The following INSC variants were observed in gnomAD, a reference collection of about 807,000 sequenced individuals.
INSC encodes the protein protein inscuteable homolog.
INSC carries 67 observed loss-of-function variants against 58.6 expected under a neutral mutation model. That is an observed-to-expected ratio of 1.14 (90% CI 0.94 to 1.40). The LOEUF is 1.40. Among genes scored for constraint, INSC ranks in the 40% most tolerant of loss-of-function variants. The probability of loss-of-function intolerance (pLI) is 0.00; values close to 1 mark genes in which losing one functional copy is unlikely to be tolerated. For synonymous variants in INSC, 262 were observed against 276.1 expected (o/e 0.95, Z 0.51); for missense variants, 714 against 692.0 (o/e 1.03, Z -0.36).
At chr11:15,146,360 A>G (rs1370698771) in intron 1 of INSC, among the ~76,000 whole-genome samples, 1 of 152,192 alleles carries the variant, frequency 6.6e-6, no homozygotes, top group Non-Finnish European at 1.5e-5. Context: ...TTTAGACATT[A>G]AGGAATCTTA....
At chr11:15,141,605 C>T (rs969312121) in intron 1 of INSC, among the ~76,000 whole-genome samples, 26 of 152,252 alleles carry the variant, frequency 1.7e-4, no homozygotes, top group African/African-American at 5.5e-4. Flanking sequence ...TGAGTGGCAG[C>T]TTGCTTGGTT....
intron 5 of INSC, among the ~76,000 whole-genome samples, chr11:15,182,448 G>A (rs901671490): frequency 6.6e-6 from 1 of 152,166 alleles, no homozygotes; most frequent in Non-Finnish European, 1.5e-5. Flanking sequence ...GTTAATTGTG[G>A]TACTATGTTT....
At chr11:15,144,547 C>T (rs1271091996) in intron 1 of INSC, among the ~76,000 whole-genome samples, 2 of 152,202 alleles carry the variant, frequency 1.3e-5, no homozygotes, top group South Asian at 2.1e-4. Context: ...GTTCCTAGAG[C>T]TGCCGCCAAA....
intron 7 of INSC, among the ~76,000 whole-genome samples, chr11:15,203,197 G>A (rs950950087): frequency 3.3e-5 from 5 of 152,140 alleles, no homozygotes; most frequent in African/African-American, 7.2e-5. Context: ...CCTGTGTCAC[G>A]ACCTTGCTGG....
intron 7 of INSC, among the ~76,000 whole-genome samples, chr11:15,212,500 A>AT: frequency 6.6e-6 from 1 of 152,248 alleles, no homozygotes; most frequent in Non-Finnish European, 1.5e-5. Context: ...CAATGAACAG[A>AT]GTACATCTCT....
intron 1 of INSC, among the ~76,000 whole-genome samples, chr11:15,141,951 G>C (rs180877044): frequency 2.0e-5 from 3 of 152,212 alleles, no homozygotes; most frequent in Admixed American, 6.5e-5. Flanking sequence ...ATTCCACTCT[G>C]ATCATTTCAC....
intron 10 of INSC, among the ~76,000 whole-genome samples, chr11:15,237,655 G>T (rs1852182258): frequency 6.6e-6 from 1 of 152,196 alleles, no homozygotes; most frequent in South Asian, 2.1e-4. Context: ...AAATCTTGTT[G>T]TGCAGACTGG....
chr11:15,245,969 C>G lies in INSC; in HGVS notation c.1528C>G (p.Gln510Glu), dbSNP rs762590565. ...TGAAGGCCTCCAGGACTCTGACTTT[C>G]AGCAGTTGGTCCAGCCTCGGCTGGT... ...CPEGLQDSDF[Q>E]QLVQPRLVDS... The change falls in exon 13 of 13, where the codon CAG (glutamine) becomes GAG (glutamate). Residue 510 changes from glutamine to glutamate, a missense_variant. Coordinates refer to ENST00000379556, the MANE Select transcript of INSC (RefSeq NM_001042536.3). The G allele has an allele frequency of 6.2e-7, 1 of 1,614,212 alleles. No individual in the cohort carries two copies. Among genetic ancestry groups the G allele is most frequent in the South Asian group, 1.1e-5 (1 of 91,078 alleles).
rs553846330 is a variant in INSC at position 15,240,393 on chromosome 11, C to A, written c.1394-54C>A. Reference sequence around the variant, plus strand: ...CAAGGGAGGCCCAGAACCTCTGGGTCAGGCCTGGCTGGGCCCTGTCCTGGG... The same window carrying A: ...CAAGGGAGGCCCAGAACCTCTGGGTAAGGCCTGGCTGGGCCCTGTCCTGGG... On this transcript the variant is annotated intron_variant, in intron 11 of 12. Transcript: ENST00000379556. 2.7e-6 allele frequency: 4 copies of A among 1,507,988 alleles called. No individual in the cohort carries two copies. In the South Asian group the frequency reaches 4.6e-5, roughly 17 times the overall value. 93.4% of individuals were successfully genotyped at this position (1,507,988 alleles called of 1,614,324 possible).
intron 5 of INSC, among the ~76,000 whole-genome samples, chr11:15,188,929 C>T (rs1364195300): frequency 6.6e-6 from 1 of 152,066 alleles, no homozygotes; most frequent in Non-Finnish European, 1.5e-5. Flanking sequence ...GAAGTGTGAT[C>T]TTTATAGGGA....
downstream of INSC, among the ~76,000 whole-genome samples, chr11:15,250,697 C>T (rs1290525770): frequency 6.6e-6 from 1 of 152,146 alleles, no homozygotes; most frequent in Non-Finnish European, 1.5e-5. Context: ...AGAAATTACT[C>T]TCAAATTTAG....
chr11:15,210,505 T>TGTGTGTG (rs1850979290), intron 7 of INSC, among the ~76,000 whole-genome samples: 1 of 135,466 alleles, frequency 7.4e-6, no homozygotes, highest in African/African-American at 2.8e-5. Context: ...ATTTGAGAGT[T>TGTGTGTG]TGTGTGTGTG....
chr11:15,212,763 C>T (rs1218904277), intron 7 of INSC, among the ~76,000 whole-genome samples: 1 of 152,118 alleles, frequency 6.6e-6, no homozygotes, highest in Non-Finnish European at 1.5e-5. Flanking sequence ...TTTCTATGTA[C>T]ACAATTATGT....
At chr11:15,229,512 C>T (rs953107773) in intron 9 of INSC, among the ~76,000 whole-genome samples, 1 of 152,114 alleles carries the variant, frequency 6.6e-6, no homozygotes, top group Non-Finnish European at 1.5e-5. Context: ...GGACAAATCA[C>T]TTAATCTCTG....
rs765401732 is a variant in INSC at position 15,240,438 on chromosome 11, C to G, written c.1394-9C>G. ...CCTGGGCCTGAGGCTCTCCCTGTGT[C>G]TCCTACAGGCATGTCCCGTCTCATC... On this transcript the variant is annotated splice_polypyrimidine_tract_variant and intron_variant, in intron 11 of 12. Transcript: ENST00000379556. 1.8e-5 allele frequency: 29 copies of G among 1,612,940 alleles called. No individual in the cohort carries two copies. In the East Asian group the frequency reaches 6.0e-4, roughly 34 times the overall value.
chr11:15,150,681 G>A (rs1379790770), intron 2 of INSC, among the ~76,000 whole-genome samples: 4 of 152,156 alleles, frequency 2.6e-5, no homozygotes, highest in Non-Finnish European at 5.9e-5. Context: ...GCCAGGGGTT[G>A]GGATCCCTTG....
At chr11:15,230,927 T>C (rs901524589) in intron 9 of INSC, among the ~76,000 whole-genome samples, 6 of 152,120 alleles carry the variant, frequency 3.9e-5, no homozygotes, top group African/African-American at 1.4e-4. Context: ...GCTGGTCCTG[T>C]CAATGAGAAG....
chr11:15,166,676 C>T (rs1464849357), intron 2 of INSC, among the ~76,000 whole-genome samples: 1 of 152,132 alleles, frequency 6.6e-6, no homozygotes. Flanking sequence ...ATGCATGTCT[C>T]CCAGGCAGTC....
Position 15,239,012 on chromosome 11 carries a change from C to T in INSC, c.1331C>T (p.Ala444Val). Residue 444 changes from alanine to valine, a missense_variant, in exon 11 of 13, where the codon GCA (alanine) becomes GTA (valine). Physicochemically the swap from Ala to Val is moderately conservative, Grantham distance 64. Transcript: ENST00000379556. The part of the protein sequence containing the change: ...AACERVQQKA[A>V]VTLARLSRDP... The stretch of plus-strand genomic sequence containing the variant: ...TGTGAGCGAGTCCAGCAGAAAGCTG[C>T]AGTGACCCTGGCTCGTCTCAGCCGA... 6.2e-7 allele frequency: 1 copy of T among 1,614,198 alleles called. No homozygotes were observed. Among genetic ancestry groups the T allele is most frequent in the Non-Finnish European group, 8.5e-7 (1 of 1,180,004 alleles).
Sources: gnomAD v4.1 joint callset for allele counts (sites outside exome capture counted in the v4.1 genomes callset) on GRCh38, gnomAD v4.1.1 for gene constraint, MANE v1.5 for transcripts, NCBI Gene and HGNC (gene_info 2026-07-23, HGNC 2026-07-21) for gene names.